SPG7: variants seen among roughly 807,000 people sequenced by gnomAD.
SPG7 encodes SPG7 matrix AAA peptidase subunit, paraplegin.
SPG7 carries 103 observed loss-of-function variants against 81.9 expected under a neutral mutation model. The ratio of observed to expected loss-of-function variants is 1.26; its 90% CI spans 1.07 to 1.48. The LOEUF is 1.48. Ranked by LOEUF, SPG7 falls within the 40% of genes most tolerant of loss-of-function variation. The pLI, the probability that SPG7 is intolerant of heterozygous loss-of-function variation, is 0.00. For missense variants in SPG7, 1,241 were observed against 1,087.3 expected (o/e 1.14, Z -1.99); for synonymous variants, 534 against 444.2 (o/e 1.20, Z -2.54).
At chr16:89,538,517 C>T (rs557794170) in intron 9 of SPG7, 1 of 152,422 alleles carries the variant, frequency 6.6e-6, no homozygotes, top group South Asian at 2.1e-4. Context: ...CTGGGCTCCG[C>T]AGGCGGGGAG....
rs181778670 is a variant in SPG7 at position 89,547,312 on chromosome 16, A to G, written c.1552+552A>G. The G allele has an allele frequency of 1.7e-3, 327 of 187,944 alleles. 2 individuals are homozygous for G. Among genetic ancestry groups the G allele is most frequent in the African/African-American group, 7.2e-3 (305 of 42,448 alleles). 11.6% of individuals were successfully genotyped at this position (187,944 alleles called of 1,614,324 possible). On this transcript the variant is annotated intron_variant, in intron 11 of 16. Transcript: ENST00000645818. ...AGAGCCTTTAATTTCTTTGCCATCAATGCTCATGAGCTGTTAGGTGGAATC... is the reference window on the plus strand; with the variant it reads ...AGAGCCTTTAATTTCTTTGCCATCAGTGCTCATGAGCTGTTAGGTGGAATC...
At position 89,553,155 on chromosome 16, in the gene SPG7, G is replaced by A. The variant is rs1338300601; in HGVS notation, c.1936+20G>A. 6.3e-7 allele frequency: 1 copy of A among 1,581,458 alleles called. No homozygotes were observed. The highest frequency in any genetic ancestry group is 1.1e-5 in the South Asian group (1 of 87,028). On this transcript the variant is annotated intron_variant, in intron 14 of 16. Transcript: ENST00000645818. ...CTTCTGGTGAGGAGCAGCGGCGCGG[G>A]CCCTGGAGGTTTCAGAGCGCTTTTC...
intron 8 of SPG7, 32 bp from the exon 9 acceptor site, chr16:89,532,431 C>T (rs1197401381): frequency 1.2e-6 from 2 of 1,611,928 alleles, no homozygotes; most frequent in Non-Finnish European, 1.7e-6. Context: ...TTATTAACTG[C>T]CCATTTCCTG....
intron 4 of SPG7, 38 bp downstream of exon 4, chr16:89,524,285 G>A (rs938611011): frequency 6.3e-7 from 1 of 1,588,350 alleles, no homozygotes; most frequent in Non-Finnish European, 8.6e-7. Flanking sequence ...GTGAGGGTGT[G>A]GGCACAGGCT....
At chr16:89,530,957 G>A in intron 7 of SPG7, 149 bp downstream of exon 7, 1 of 1,025,606 alleles carries the variant, frequency 9.8e-7, no homozygotes, top group South Asian at 1.3e-5. Context: ...ACACCAAGCA[G>A]GTGCTGGTGC....
At position 89,508,608 on chromosome 16, in the gene SPG7, C is replaced by A; in HGVS notation, c.183+8C>A. On this transcript the variant is annotated splice_region_variant and intron_variant, in intron 1 of 16. Transcript: ENST00000645818. ...GGAGGCCGAGCTCTGCAGGTAAATC[C>A]CCGCGGAGTCCGGGCCCCACCTCCC... The A allele has an allele frequency of 6.9e-7, 1 of 1,452,326 alleles. No homozygotes were observed. Among genetic ancestry groups the A allele is most frequent in the South Asian group, 1.4e-5 (1 of 72,806 alleles). The allele number at this position is 1,452,326 out of a possible 1,614,324, so 90.0% of individuals were successfully genotyped here.
chr16:89,537,299 C>T (rs909604339), intron 9 of SPG7: 19 of 1,292,796 alleles, frequency 1.5e-5, no homozygotes, highest in South Asian at 7.3e-5. Context: ...CCGGGAAGGG[C>T]GCAAGTCAAA....
At chr16:89,540,892 C>T (rs1357386309) in intron 9 of SPG7, 1 of 984,878 alleles carries the variant, frequency 1.0e-6, no homozygotes, top group Admixed American at 6.1e-5. Flanking sequence ...CTGGAAGTGA[C>T]CCAGGTGCCA....
Position 89,523,625 on chromosome 16 carries a change from A to T in SPG7, c.377-381A>T, listed in dbSNP as rs527784465. 78 of 450,010 alleles carry T rather than the reference A, an allele frequency of 1.7e-4. 1 individual carries two copies. The highest frequency in any genetic ancestry group is 1.2e-3 in the South Asian group (74 of 63,804). 27.9% of individuals were successfully genotyped at this position (450,010 alleles called of 1,614,324 possible). On this transcript the variant is annotated intron_variant, in intron 3 of 16. Coordinates refer to ENST00000645818, the MANE Select transcript of SPG7 (RefSeq NM_003119.4). ...GAGACAGGGTCGTTCTCTGTCACCC[A>T]GGCTGGAGCACAGTGGCGCGATCAC...
intron 12 of SPG7, chr16:89,550,249 TGTAACCTCC>T (rs1403133322): frequency 8.9e-6 from 4 of 449,228 alleles, no homozygotes; most frequent in Non-Finnish European, 1.7e-5. Flanking sequence ...CTTGCCCTAC[TGTAACCTCC>T]GTCTCTCAGG....
chr16:89,532,134 C>T (rs1567914455), intron 8 of SPG7, 68 bp downstream of exon 8: 20 of 1,513,058 alleles, frequency 1.3e-5, no homozygotes, highest in Admixed American at 5.0e-5. Flanking sequence ...CACATCCTTC[C>T]TCTGGTGTCT....
At position 89,548,060 on chromosome 16, in the gene SPG7, A is replaced by G. The variant is rs758428661; in HGVS notation, c.1610A>G (p.His537Arg). Reference sequence around the variant, plus strand: ...GCGCTGCACGCGGCGCGGGAGGGACACACTTCCGTGCACACTCTCAACTTC... The same window carrying G: ...GCGCTGCACGCGGCGCGGGAGGGACGCACTTCCGTGCACACTCTCAACTTC... Reference protein sequence around the residue: ...EAALHAAREGHTSVHTLNFEY... With the variant: ...EAALHAAREGRTSVHTLNFEY... The change falls in exon 12 of 17, where the codon CAC becomes CGC. Residue 537 changes from histidine (H) to arginine (R), a missense_variant. Transcript: ENST00000645818. 2.5e-6 allele frequency: 4 copies of G among 1,611,018 alleles called. No individual in the cohort carries two copies. Among genetic ancestry groups the G allele is most frequent in the Non-Finnish European group, 2.5e-6 (3 of 1,179,984 alleles).
intron 1 of SPG7, chr16:89,509,037 A>G (rs1319407116): frequency 1.3e-5 from 6 of 446,748 alleles, no homozygotes; most frequent in African/African-American, 1.0e-4. Context: ...TGTGTCCGCA[A>G]AATACCCTGT....
chr16:89,536,845 G>A (rs201351572), intron 9 of SPG7: 1 of 1,614,154 alleles, frequency 6.2e-7, no homozygotes, highest in Non-Finnish European at 8.5e-7. Flanking sequence ...CTGTCTCACG[G>A]AGCCCACAGG....
chr16:89,518,760 G>A (rs1293355387), intron 3 of SPG7: 2 of 152,162 alleles, frequency 1.3e-5, no homozygotes, highest in Non-Finnish European at 2.9e-5. Context: ...CAGATTCGTG[G>A]TTGCTAGGGG....
In SPG7 at chr16:89,544,716, C is replaced by T. The variant is rs759414021; in HGVS notation, c.1393C>T (p.Leu465=). 11 of 1,614,052 alleles carry T rather than the reference C, an allele frequency of 6.8e-6. No homozygotes were observed. The Admixed American group carries it at 1.8e-4, about 27-fold the overall frequency. ...TNRADILDGA[L]MRPGRLDRHV... ...CCGAGCTGACATTTTGGACGGTGCT[C>T]TGATGAGGCCAGGCCGACTGGACCG... Residue 465 remains leucine (L), a synonymous_variant, in exon 10 of 17, where the codon CTG becomes TTG. Transcript: ENST00000645818.
intron 3 of SPG7, 119 bp downstream of exon 3, chr16:89,513,156 C>T: frequency 7.0e-7 from 1 of 1,434,182 alleles, no homozygotes; most frequent in African/African-American, 1.4e-5. Context: ...GGTGCAGTGG[C>T]TCACACTTGT....
At chr16:89,556,135 C>T (rs896051272) in intron 16 of SPG7, 1 of 398,794 alleles carries the variant, frequency 2.5e-6, no homozygotes, top group Non-Finnish European at 4.4e-6. Context: ...CGTGTATGAA[C>T]TGTCAGCTAC....
chr16:89,526,474 T>C lies in SPG7; in HGVS notation c.758+6T>C. The C allele has an allele frequency of 1.2e-6, 2 of 1,614,174 alleles. No homozygotes were observed. Among genetic ancestry groups the C allele is most frequent in the Middle Eastern group, 1.6e-4 (1 of 6,062 alleles). On this transcript the variant is annotated splice_donor_region_variant and intron_variant, in intron 5 of 16. Coordinates refer to ENST00000645818, the MANE Select transcript of SPG7 (RefSeq NM_003119.4). ...CGAACAGGATTCTTTGGAAAGTATG[T>C]TGGATGTATTTGTTGATGCTTGAAC... is the stretch of plus-strand genomic sequence containing the variant.
Sources: allele counts gnomAD v4.1 joint callset, GRCh38; gene constraint gnomAD v4.1.1; transcripts MANE v1.5; gene names NCBI Gene and HGNC (gene_info 2026-07-23, HGNC 2026-07-21).